Variants in UTP25 observed in about 807,000 individuals in gnomAD.
UTP25 encodes the protein U3 small nucleolar RNA-associated protein 25 homolog.
A neutral mutation model predicts 78.9 loss-of-function variants in UTP25; 50 were observed. The ratio of observed to expected loss-of-function variants is 0.63; its 90% CI spans 0.50 to 0.80. The LOEUF is 0.80. Ranked by LOEUF, UTP25 falls within the 30% of genes least tolerant of loss-of-function variation. UTP25 has a pLI of 0.00. For missense variants in UTP25, 846 were observed against 911.3 expected (o/e 0.93, Z 0.92); for synonymous variants, 329 against 336.5 (o/e 0.98, Z 0.24).
At chr1:209,832,999 C>T (rs2078111715) in intron 3 of UTP25, among the ~76,000 whole-genome samples, 186 bp from the exon 4 acceptor site, 1 of 152,172 alleles carries the variant, frequency 6.6e-6, no homozygotes, top group Non-Finnish European at 1.5e-5. Flanking sequence ...ACATAAAACC[C>T]ACCATCATGC....
intron 5 of UTP25, 30 bp downstream of exon 5, chr1:209,835,193 A>G: frequency 5.7e-6 from 9 of 1,590,162 alleles, no homozygotes; most frequent in Non-Finnish European, 7.8e-6. Flanking sequence ...CCCGGTCACA[A>G]ATAGAGAAAG....
chr1:209,843,790 T>C, intron 11 of UTP25, 94 bp downstream of exon 11: 1 of 1,480,734 alleles, frequency 6.8e-7, no homozygotes, highest in Non-Finnish European at 9.1e-7. Context: ...TTCGTGGTGT[T>C]GAGATCATCC....
chr1:209,828,316 C>G (rs1322011450), intron 1 of UTP25, 146 bp downstream of exon 1: 7 of 649,720 alleles, frequency 1.1e-5, no homozygotes, highest in Non-Finnish European at 1.8e-5. Context: ...CTGGCGCCAT[C>G]CCGCCGGGAG....
rs554174176 is a variant in UTP25 at position 209,833,445 on chromosome 1, C to T, written c.562+87C>T. On this transcript the variant is annotated intron_variant, in intron 4 of 11. Coordinates refer to ENST00000491415, the MANE Select transcript of UTP25 (RefSeq NM_014388.7). ...ATACACATTGAATCTATTATTGGAA[C>T]AAACAGCAATAAAAACAGTTTAGTG... 11 of 1,183,990 alleles carry T rather than the reference C, an allele frequency of 9.3e-6. No homozygotes were observed. The African/African-American group carries it at 1.3e-4, about 14-fold the overall frequency. The allele number at this position is 1,183,990 out of a possible 1,614,324, so 73.3% of individuals were successfully genotyped here. A position where few individuals can be genotyped will look rare whatever the true frequency, so the allele number is the denominator to read the frequency against.
Position 209,852,512 on chromosome 1 carries a change from CG to C in UTP25, c.*1067del, listed in dbSNP as rs1302680002. 6.6e-6 allele frequency: 1 copy of C among 152,122 alleles called. No homozygotes were observed. Among genetic ancestry groups the C allele is most frequent in the Non-Finnish European group, 1.5e-5 (1 of 68,038 alleles). The allele number at this position is 152,122 out of a possible 1,614,324, so 9.4% of individuals were successfully genotyped here. A position where few individuals can be genotyped will look rare whatever the true frequency, so the allele number is the denominator to read the frequency against. On this transcript the variant is annotated 3_prime_UTR_variant, in exon 12 of 12. Coordinates refer to ENST00000491415, the MANE Select transcript of UTP25 (RefSeq NM_014388.7). ...GTTTCTTCTTTTATTCAATGGGTTA[CG>C]GTTTGTTACATCATTATTTCTTTAG... is the stretch of plus-strand genomic sequence containing the variant.
At position 209,837,173 on chromosome 1, in the gene UTP25, G is replaced by A; in HGVS notation, c.1024G>A (p.Asp342Asn). 1 of 1,614,094 alleles carries A rather than the reference G, an allele frequency of 6.2e-7. No homozygotes were observed. Among genetic ancestry groups the A allele is most frequent in the Non-Finnish European group, 8.5e-7 (1 of 1,179,994 alleles). ...RRSQKFGVGDDDDFRDQGLTR... is the reference protein window; with the variant it reads ...RRSQKFGVGDNDDFRDQGLTR... ...AAGCCAGAAGTTTGGAGTGGGTGAT[G>A]ATGATGACTTCAGAGACCAAGGGTT... Residue 342 changes from aspartate to asparagine, a missense_variant, in exon 6 of 12, where the codon GAT becomes AAT. Asp to Asn is a conservative substitution (Grantham distance 23). Coordinates refer to ENST00000491415, the MANE Select transcript of UTP25 (RefSeq NM_014388.7).
chr1:209,850,374 CTG>C (rs1345431692), intron 11 of UTP25, among the ~76,000 whole-genome samples: 4 of 152,090 alleles, frequency 2.6e-5, no homozygotes, highest in Non-Finnish European at 4.4e-5. Context: ...TCAGGATGAG[CTG>C]TGAGGGAAAA....
At position 209,855,047 on chromosome 1, in the gene UTP25, TAGAGTC is replaced by T. The variant is rs2078265434; in HGVS notation, c.*3602_*3607del. The T allele has an allele frequency of 6.6e-6, 1 of 152,180 alleles. No homozygotes were observed. Among genetic ancestry groups the T allele is most frequent in the Admixed American group, 6.5e-5 (1 of 15,288 alleles). The allele number at this position is 152,180 out of a possible 1,614,324, so 9.4% of individuals were successfully genotyped here. The stretch of plus-strand genomic sequence containing the variant: ...AAACAGATTTCAGTCAACTTTTAAT[TAGAGTC>T]AATGAATGGGGAGTAAATACACAGA... On this transcript the variant is annotated 3_prime_UTR_variant, in exon 12 of 12. Transcript: ENST00000491415.
At position 209,836,904 on chromosome 1, in the gene UTP25, C is replaced by T. The variant is rs778777754; in HGVS notation, c.755C>T (p.Pro252Leu). Residue 252 changes from proline to leucine, a missense_variant, in exon 6 of 12, where the codon CCT (proline) becomes CTT (leucine). By Grantham distance (98) the Pro-to-Leu change is moderately conservative. Coordinates refer to ENST00000491415, the MANE Select transcript of UTP25 (RefSeq NM_014388.7). The stretch of plus-strand genomic sequence containing the variant: ...TTAAAGTCACTTCATCTCCAGAAGC[C>T]TCTGGAATCCACCTGGACTAAGACC... ...IDLKSLHLQK[P>L]LESTWTKTNS... 9.9e-6 allele frequency: 16 copies of T among 1,614,090 alleles called. No homozygotes were observed. The South Asian group carries it at 1.4e-4, about 14-fold the overall frequency.
At position 209,837,147 on chromosome 1, in the gene UTP25, G is replaced by A. The variant is rs202221008; in HGVS notation, c.998G>A (p.Arg333Gln). Reference sequence around the variant, plus strand: ...GTGCTTGGCAACAATAGCAGACGCCGAAGCCAGAAGTTTGGAGTGGGTGAT... The same window carrying A: ...GTGCTTGGCAACAATAGCAGACGCCAAAGCCAGAAGTTTGGAGTGGGTGAT... The part of the protein sequence containing the change: ...AQVLGNNSRR[R>Q]SQKFGVGDDD... Residue 333 changes from arginine (R) to glutamine (Q), a missense_variant, in exon 6 of 12, where the codon CGA (arginine) becomes CAA (glutamine). By Grantham distance (43) the Arg-to-Gln change is conservative. Transcript: ENST00000491415. 30 of 1,614,154 alleles carry A rather than the reference G, an allele frequency of 1.9e-5. No individual in the cohort carries two copies. Among genetic ancestry groups the A allele is most frequent in the Non-Finnish European group, 2.3e-5 (27 of 1,180,016 alleles).
intron 7 of UTP25, among the ~76,000 whole-genome samples, chr1:209,840,156 GA>G (rs1256318785): frequency 2.6e-5 from 4 of 152,222 alleles, no homozygotes; most frequent in Non-Finnish European, 5.9e-5. Context: ...AGCTGTCCAG[GA>G]AGCAGTTGGT....
intron 3 of UTP25, 132 bp from the exon 4 acceptor site, chr1:209,833,053 C>G: frequency 1.1e-6 from 1 of 891,418 alleles, no homozygotes; most frequent in Non-Finnish European, 1.6e-6. Flanking sequence ...TCTATGTTTT[C>G]TACCTGAATT....
chr1:209,843,870 T>C, intron 11 of UTP25, 174 bp downstream of exon 11: 2 of 870,320 alleles, frequency 2.3e-6, no homozygotes, highest in East Asian at 5.3e-5. Context: ...GGTTGGTTAG[T>C]TGGTTTTCTC....
intron 11 of UTP25, among the ~76,000 whole-genome samples, chr1:209,846,684 T>G (rs1038546755): frequency 1.3e-5 from 2 of 152,112 alleles, no homozygotes; most frequent in African/African-American, 4.8e-5. Flanking sequence ...AAACAAAGCA[T>G]ATATAAGGGA....
Position 209,843,388 on chromosome 1 carries a change from A to T in UTP25, c.1782-63A>T, listed in dbSNP as rs777650430. The T allele has an allele frequency of 3.8e-6, 6 of 1,585,372 alleles. No homozygotes were observed. In the East Asian group the frequency reaches 1.3e-4, roughly 36 times the overall value. ...GATTGTAATTTGCTCAGGGTCACACAGTTAAGAGACACCATAAGCTTAGCT... is the reference window on the plus strand; with the variant it reads ...GATTGTAATTTGCTCAGGGTCACACTGTTAAGAGACACCATAAGCTTAGCT... On this transcript the variant is annotated intron_variant, in intron 10 of 11. Coordinates refer to ENST00000491415, the MANE Select transcript of UTP25 (RefSeq NM_014388.7).
intron 5 of UTP25, among the ~76,000 whole-genome samples, chr1:209,836,037 G>A (rs1485621737): frequency 1.3e-5 from 2 of 151,996 alleles, no homozygotes; most frequent in Non-Finnish European, 2.9e-5. Context: ...GCCTCCCTCT[G>A]CACCCTGCCC....
At chr1:209,830,252 A>T in intron 2 of UTP25, 105 bp downstream of exon 2, 2 of 1,041,096 alleles carry the variant, frequency 1.9e-6, no homozygotes, top group East Asian at 2.6e-5. Context: ...TTGATTTCAG[A>T]TGCAAGCTAT....
chr1:209,833,400 A>T (rs1177606387), intron 4 of UTP25, 42 bp downstream of exon 4: 33 of 1,482,454 alleles, frequency 2.2e-5, no homozygotes, highest in Non-Finnish European at 2.9e-5. Flanking sequence ...CCAGGTGCTT[A>T]GTATGGAATT....
rs2078150613 is a variant in UTP25, at chr1:209,838,968, C to T, written c.1122C>T (p.Ser374=). ...AALRVVQLFI[S]LLEGDSKKKI... is the part of the protein sequence containing the mutation. Reference sequence around the variant, plus strand: ...TGCGGGTGGTGCAGCTCTTCATCAGCCTCCTCGAGGGTGACAGCAAGAAGA... The same window carrying T: ...TGCGGGTGGTGCAGCTCTTCATCAGTCTCCTCGAGGGTGACAGCAAGAAGA... Residue 374 remains serine, a synonymous_variant, in exon 7 of 12, where the codon AGC becomes AGT. Transcript: ENST00000491415. 1 of 1,614,108 alleles carries T rather than the reference C, an allele frequency of 6.2e-7. No homozygotes were observed.
Sources: gnomAD v4.1 joint callset for allele counts (sites outside exome capture counted in the v4.1 genomes callset) on GRCh38, gnomAD v4.1.1 for gene constraint, MANE v1.5 for transcripts, NCBI Gene and HGNC (gene_info 2026-07-23, HGNC 2026-07-21) for gene names.